The following IL2RB variants were observed in gnomAD, a reference collection of about 807,000 sequenced individuals.
IL2RB encodes the protein interleukin-2 receptor subunit beta.
A neutral mutation model predicts 44.2 loss-of-function variants in IL2RB; 17 were observed. The observed-to-expected ratio is 0.38, with a 90% CI of 0.26 to 0.58. The LOEUF is 0.58. IL2RB is among the 20% of genes least tolerant of loss of function. The probability of loss-of-function intolerance (pLI) is 0.63; values close to 1 mark genes in which losing one functional copy is unlikely to be tolerated. For synonymous variants in IL2RB, 286 were observed against 297.9 expected (o/e 0.96, Z 0.41); for missense variants, 624 against 685.5 (o/e 0.91, Z 1.00).
chr22:37,137,752 G>T lies in IL2RB; in HGVS notation c.389-17C>A, dbSNP rs372164885. ...TCAGGCGAACTGGAGACAACAGGGG[G>T]TAGGGGAGAGCAGTCAGCCATGACC... is the stretch of plus-strand genomic sequence containing the variant. On this transcript the variant is annotated splice_polypyrimidine_tract_variant and intron_variant, in intron 5 of 9. Coordinates refer to ENST00000216223, the MANE Select transcript of IL2RB (RefSeq NM_000878.5). 1.2e-6 allele frequency: 2 copies of T among 1,610,616 alleles called. No individual in the cohort carries two copies. The highest frequency in any genetic ancestry group is 2.2e-5 in the South Asian group (2 of 91,002).
chr22:37,136,205 T>C (rs2146234890), intron 7 of IL2RB, 23 bp downstream of exon 7: 1 of 1,597,282 alleles, frequency 6.3e-7, no homozygotes, highest in Non-Finnish European at 8.5e-7. Flanking sequence ...GAGCCCCCTC[T>C]CACCCTTGCC....
chr22:37,139,725 G>A (rs1464548234), intron 4 of IL2RB, among the ~76,000 whole-genome samples: 2 of 152,076 alleles, frequency 1.3e-5, no homozygotes, highest in African/African-American at 2.4e-5. Context: ...CCATCCCTAC[G>A]CCTTGAATTT....
At chr22:37,164,508 T>C (rs1923000058) in intron 1 of IL2RB, among the ~76,000 whole-genome samples, 1 of 151,358 alleles carries the variant, frequency 6.6e-6, no homozygotes, top group Non-Finnish European at 1.5e-5. Flanking sequence ...GCAGGGGGGA[T>C]GGTGGAAGCT....
chr22:37,133,162 A>G (rs1047290849), intron 8 of IL2RB, among the ~76,000 whole-genome samples: 1 of 152,168 alleles, frequency 6.6e-6, no homozygotes, highest in Non-Finnish European at 1.5e-5. Context: ...GGAGAATGAC[A>G]TGGTGGAGAA....
intron 1 of IL2RB, among the ~76,000 whole-genome samples, chr22:37,162,362 T>G (rs1030731632): frequency 2.0e-5 from 3 of 151,846 alleles, no homozygotes; most frequent in Non-Finnish European, 2.9e-5. Context: ...ACTGGTGGGG[T>G]AGGTGACCCA....
intron 1 of IL2RB, among the ~76,000 whole-genome samples, chr22:37,165,830 G>A (rs1923057420): frequency 6.6e-6 from 1 of 152,124 alleles, no homozygotes; most frequent in Admixed American, 6.5e-5. Flanking sequence ...GCCTAAAGCA[G>A]ACACTTGGAG....
At position 37,163,592 on chromosome 22, in the gene IL2RB, T is replaced by A. The variant is rs147901308; in HGVS notation, c.-34+11366A>T. On this transcript the variant is annotated intron_variant, in intron 1 of 5. Transcript: ENST00000429622. ...ATTGGAGGAATCCAAACTGGGCACCTTGCCTCCCTCAAGGGAGGAGGGACT... is the reference window on the plus strand; with the variant it reads ...ATTGGAGGAATCCAAACTGGGCACCATGCCTCCCTCAAGGGAGGAGGGACT... Among the ~76,000 whole-genome samples the A allele has an allele frequency of 3.2e-3, 492 of 152,296 alleles. 5 individuals carry two copies. Among genetic ancestry groups the A allele is most frequent in the African/African-American group, 0.012 (480 of 41,566 alleles).
intron 1 of IL2RB, among the ~76,000 whole-genome samples, chr22:37,156,997 C>G (rs1474997138): frequency 2.0e-5 from 3 of 152,194 alleles, no homozygotes; most frequent in Admixed American, 6.5e-5. Context: ...GTCCTGCCCC[C>G]ACAGTGCCAG....
At chr22:37,130,204 C>T (rs139217232) in intron 9 of IL2RB, among the ~76,000 whole-genome samples, 70 of 152,340 alleles carry the variant, frequency 4.6e-4, no homozygotes, top group Admixed American at 1.1e-3. Context: ...GAGGAAGAAG[C>T]ACTGGTCGGG....
At chr22:37,163,883 G>C (rs1922968790) in intron 1 of IL2RB, among the ~76,000 whole-genome samples, 3 of 152,354 alleles carry the variant, frequency 2.0e-5, no homozygotes, top group Non-Finnish European at 1.5e-5. Context: ...AGGAAACTGA[G>C]ACCAGCTCAT....
At chr22:37,171,976 G>A (rs764508839) in intron 1 of IL2RB, among the ~76,000 whole-genome samples, 3 of 152,012 alleles carry the variant, frequency 2.0e-5, no homozygotes, top group Non-Finnish European at 4.4e-5. Context: ...ATTTTACTGC[G>A]GGTCAGAGCT....
upstream of IL2RB, among the ~76,000 whole-genome samples, chr22:37,152,925 G>C (rs1601608220): frequency 7.7e-6 from 1 of 130,210 alleles, no homozygotes; most frequent in East Asian, 2.2e-4. Context: ...GCAAGCTGTG[G>C]CCTCTTTTTT....
At chr22:37,145,344 A>C (rs1427561113) in intron 1 of IL2RB, among the ~76,000 whole-genome samples, 1 of 152,074 alleles carries the variant, frequency 6.6e-6, no homozygotes, top group Non-Finnish European at 1.5e-5. Flanking sequence ...TGAAATCTCT[A>C]AGCCAGCCCT....
At chr22:37,163,326 C>T (rs1460447368) in intron 1 of IL2RB, among the ~76,000 whole-genome samples, 1 of 152,162 alleles carries the variant, frequency 6.6e-6, no homozygotes, top group African/African-American at 2.4e-5. Flanking sequence ...CAAAGAGTCT[C>T]ATTGGCTAAG....
Position 37,142,424 on chromosome 22 carries a change from G to GT in IL2RB, c.282+9_282+10insA. 6.2e-7 allele frequency: 1 copy of GT among 1,612,868 alleles called. No homozygotes were observed. The highest frequency in any genetic ancestry group is 8.5e-7 in the Non-Finnish European group (1 of 1,178,850). On this transcript the variant is annotated intron_variant, in intron 4 of 9. Transcript: ENST00000216223. ...TCTCCCTGCACTCTCTCCCTGGGTGGGCTACTCACATCTGGGGCTCCGAGG... is the reference window on the plus strand; with the variant it reads ...TCTCCCTGCACTCTCTCCCTGGGTGGTGCTACTCACATCTGGGGCTCCGAGG...
intron 1 of IL2RB, among the ~76,000 whole-genome samples, chr22:37,174,748 T>C (rs1366695664): frequency 6.6e-6 from 1 of 152,190 alleles, no homozygotes; most frequent in Non-Finnish European, 1.5e-5. Context: ...TCACAGCGAT[T>C]GGCTGCACAC....
At chr22:37,147,799 G>A (rs979980372) in intron 1 of IL2RB, among the ~76,000 whole-genome samples, 3 of 152,238 alleles carry the variant, frequency 2.0e-5, no homozygotes, top group African/African-American at 7.2e-5. Context: ...AGGAGGGTGA[G>A]CTCCCCAGGG....
At chr22:37,164,731 G>A (rs1009927720) in intron 1 of IL2RB, among the ~76,000 whole-genome samples, 9 of 152,058 alleles carry the variant, frequency 5.9e-5, no homozygotes, top group East Asian at 1.9e-4. Context: ...CAGCATCACC[G>A]AGGCTCCAGA....
intron 1 of IL2RB, among the ~76,000 whole-genome samples, chr22:37,169,066 G>C (rs1166701746): frequency 1.3e-5 from 2 of 152,018 alleles, no homozygotes; most frequent in African/African-American, 4.8e-5. Flanking sequence ...CTTGTTTTCA[G>C]AGGGGTTCTT....
Sources: allele counts gnomAD v4.1 joint callset (sites outside exome capture counted in the v4.1 genomes callset), GRCh38; gene constraint gnomAD v4.1.1; transcripts MANE v1.5; gene names NCBI Gene and HGNC (gene_info 2026-07-23, HGNC 2026-07-21).